PRKACB: variants seen among roughly 807,000 people sequenced by gnomAD.
The protein encoded by PRKACB is protein kinase cAMP-activated catalytic subunit beta, also known as cAMP-dependent protein kinase catalytic subunit beta.
Under a neutral mutation model 51.4 loss-of-function variants are expected in PRKACB, and 16 were observed. The observed-to-expected ratio is 0.31, with a 90% CI of 0.21 to 0.47. PRKACB has a LOEUF of 0.47. Ranked by LOEUF, PRKACB falls within the 20% of genes least tolerant of loss-of-function variation. The probability of loss-of-function intolerance (pLI) is 1.00; values close to 1 mark genes in which losing one functional copy is unlikely to be tolerated. For missense variants in PRKACB, 309 were observed against 464.5 expected (o/e 0.67, Z 3.08); for synonymous variants, 147 against 154.4 (o/e 0.95, Z 0.35).
intron 8 of PRKACB, among the ~76,000 whole-genome samples, chr1:84,209,803 T>A (rs1671868187): frequency 6.6e-6 from 1 of 152,240 alleles, no homozygotes; most frequent in Non-Finnish European, 1.5e-5. Context: ...TTTACTTATA[T>A]AATCCAAGCA....
intron 8 of PRKACB, 147 bp from the exon 9 acceptor site, chr1:84,214,006 C>A: frequency 1.4e-6 from 1 of 718,220 alleles, no homozygotes; most frequent in Non-Finnish European, 2.1e-6. Flanking sequence ...GGGACTGTAA[C>A]ATGTAGTTAA....
At chr1:84,104,959 T>A (rs1238219103) in intron 1 of PRKACB, among the ~76,000 whole-genome samples, 1 of 152,152 alleles carries the variant, frequency 6.6e-6, no homozygotes, top group Non-Finnish European at 1.5e-5. Flanking sequence ...AATTATATAA[T>A]TGGAGATAAA....
intron 5 of PRKACB, among the ~76,000 whole-genome samples, 188 bp from the exon 6 acceptor site, chr1:84,196,428 C>T (rs908954271): frequency 1.6e-4 from 25 of 152,094 alleles, no homozygotes; most frequent in African/African-American, 5.3e-4. Context: ...TTTATCAGAG[C>T]GTTATTTGAA....
chr1:84,139,841 G>C (rs959389300), upstream of PRKACB, among the ~76,000 whole-genome samples: 1 of 152,136 alleles, frequency 6.6e-6, no homozygotes, highest in Non-Finnish European at 1.5e-5. Context: ...GGCGGATCAC[G>C]AGGTCAGGAG....
At chr1:84,217,424 T>C (rs1283837185) in intron 9 of PRKACB, among the ~76,000 whole-genome samples, 2 of 152,096 alleles carry the variant, frequency 1.3e-5, no homozygotes, top group Non-Finnish European at 2.9e-5. Flanking sequence ...ACTTTACCAT[T>C]TCCTTCAGTC....
intron 3 of PRKACB, 112 bp from the exon 4 acceptor site, chr1:84,183,925 T>A: frequency 8.8e-7 from 1 of 1,137,664 alleles, no homozygotes; most frequent in East Asian, 3.0e-5. Flanking sequence ...CCTTATCCAA[T>A]TCTAACAATT....
upstream of PRKACB, among the ~76,000 whole-genome samples, chr1:84,141,892 A>G (rs908778884): frequency 1.3e-5 from 2 of 152,124 alleles, no homozygotes; most frequent in Admixed American, 1.3e-4. Context: ...GAAGTTAAGA[A>G]GTCCACATTG....
intron 2 of PRKACB, among the ~76,000 whole-genome samples, 177 bp downstream of exon 2, chr1:84,179,415 T>A (rs1451639415): frequency 1.3e-5 from 2 of 151,944 alleles, no homozygotes; most frequent in African/African-American, 4.8e-5. Context: ...ATAATCTTAA[T>A]GTATGCCTAA....
intron 8 of PRKACB, among the ~76,000 whole-genome samples, chr1:84,204,045 T>C (rs1484324844): frequency 6.6e-6 from 1 of 151,934 alleles, no homozygotes; most frequent in Non-Finnish European, 1.5e-5. Flanking sequence ...CAAATTTAAA[T>C]CATAGATGCT....
intron 7 of PRKACB, among the ~76,000 whole-genome samples, chr1:84,199,733 T>C (rs1218864072): frequency 6.6e-6 from 1 of 152,226 alleles, no homozygotes; most frequent in Admixed American, 6.5e-5. Flanking sequence ...TCCATACTGC[T>C]TTCCACAATG....
chr1:84,180,204 A>ATATATATATG (rs1347501164), intron 2 of PRKACB, among the ~76,000 whole-genome samples: 5 of 124,024 alleles, frequency 4.0e-5, no homozygotes, highest in African/African-American at 1.4e-4. Context: ...ATATATATAT[A>ATATATATATG]TATATGTATG....
At chr1:84,150,020 T>G (rs1163682496) in intron 1 of PRKACB, among the ~76,000 whole-genome samples, 1 of 152,062 alleles carries the variant, frequency 6.6e-6, no homozygotes, top group African/African-American at 2.4e-5. Flanking sequence ...ATCCCAGCAC[T>G]TTGGGAGGCT....
chr1:84,165,094 G>C, intron 1 of PRKACB: 4 of 1,131,764 alleles, frequency 3.5e-6, no homozygotes, highest in Non-Finnish European at 3.7e-6. Flanking sequence ...TAAAGGGACA[G>C]TTATAAAGCC....
At chr1:84,167,938 C>A (rs1658070384) in intron 1 of PRKACB, among the ~76,000 whole-genome samples, 1 of 151,424 alleles carries the variant, frequency 6.6e-6, no homozygotes, top group Non-Finnish European at 1.5e-5. Context: ...GTGAAAAGAG[C>A]CTTCACTTTC....
intron 1 of PRKACB, among the ~76,000 whole-genome samples, chr1:84,151,872 A>G (rs971768147): frequency 3.3e-5 from 5 of 152,152 alleles, no homozygotes; most frequent in Admixed American, 6.5e-5. Context: ...GTTGGAAACA[A>G]CTTCTTCCAA....
At chr1:84,129,335 A>T (rs956390720) in intron 1 of PRKACB, among the ~76,000 whole-genome samples, 4 of 152,162 alleles carry the variant, frequency 2.6e-5, no homozygotes, top group Non-Finnish European at 5.9e-5. Flanking sequence ...AAATTTGTTT[A>T]TGTATTTGAA....
chr1:84,094,441 A>G (rs1571554086), intron 1 of PRKACB, among the ~76,000 whole-genome samples: 1 of 152,026 alleles, frequency 6.6e-6, no homozygotes, highest in Non-Finnish European at 1.5e-5. Flanking sequence ...GTTTGCTAAA[A>G]TGTCTCAGTG....
intron 1 of PRKACB, among the ~76,000 whole-genome samples, chr1:84,103,308 G>A (rs916665208): frequency 6.6e-6 from 1 of 151,822 alleles, no homozygotes; most frequent in African/African-American, 2.4e-5. Flanking sequence ...CCGTTACAGG[G>A]TTGAGGCTCT....
At chr1:84,144,695 A>C (rs1389982450) in intron 1 of PRKACB, 147 bp downstream of exon 1, 1 of 847,100 alleles carries the variant, frequency 1.2e-6, no homozygotes, top group African/African-American at 1.8e-5. Flanking sequence ...AAAGAATTCC[A>C]TAAAAACTTG....
Sources: allele counts gnomAD v4.1 joint callset (sites outside exome capture counted in the v4.1 genomes callset), GRCh38; gene constraint gnomAD v4.1.1; transcripts MANE v1.5; gene names NCBI Gene and HGNC (gene_info 2026-07-23, HGNC 2026-07-21).